The following PSEN1 variants were observed in gnomAD, a reference collection of about 807,000 sequenced individuals.
PSEN1 encodes presenilin-1.
Under a neutral mutation model 53.5 loss-of-function variants are expected in PSEN1, and 15 were observed. That is an observed-to-expected ratio of 0.28 (90% CI 0.19 to 0.43). PSEN1 has a LOEUF of 0.43. PSEN1 is among the 20% of genes least tolerant of loss of function. The pLI, the probability that PSEN1 is intolerant of heterozygous loss-of-function variation, is 1.00. For synonymous variants in PSEN1, 208 were observed against 209.8 expected, an observed-to-expected ratio of 0.99 and a Z score of 0.08; for missense variants, 387 against 571.2, an observed-to-expected ratio of 0.68 and a Z score of 3.29.
intron 7 of PSEN1, among the ~76,000 whole-genome samples, chr14:73,193,448 G>A (rs1379069856): frequency 6.6e-6 from 1 of 151,164 alleles, no homozygotes; most frequent in Non-Finnish European, 1.5e-5. Context: ...GAGAGGCTGA[G>A]GCAGGAGAAT....
At chr14:73,197,858 C>T in intron 7 of PSEN1, 173 bp from the exon 8 acceptor site, 2 of 602,560 alleles carry the variant, frequency 3.3e-6, no homozygotes, top group Non-Finnish European at 5.9e-6. Flanking sequence ...ATGTTGTCTC[C>T]CCCACCCCCA....
In PSEN1 at chr14:73,184,764, C is replaced by T. The variant is rs540828972; in HGVS notation, c.481-2089C>T. 5.2e-3 allele frequency among the ~76,000 whole-genome samples: 786 copies of T among 151,812 alleles called. 2 individuals are homozygous for T. Among genetic ancestry groups the T allele is most frequent in the African/African-American group, 0.018 (740 of 41,296 alleles). On this transcript the variant is annotated intron_variant, in intron 5 of 11. Coordinates refer to ENST00000324501, the MANE Select transcript of PSEN1 (RefSeq NM_000021.4). ...GGGGCTGACCCCCCCCACCTCCCTC[C>T]CGGACGGGGTGGCTGCCGGGCGGAG...
chr14:73,192,373 A>G lies in PSEN1; in HGVS notation c.549-271A>G, dbSNP rs1213074409. Among the ~76,000 whole-genome samples the G allele has an allele frequency of 3.3e-5, 5 of 152,252 alleles. No homozygotes were observed. The East Asian group carries it at 7.7e-4, about 24-fold the overall frequency. On this transcript the variant is annotated intron_variant, in intron 6 of 11. Transcript: ENST00000324501. ...GGAAGACCACCTGATCTCCGGAGGT[A>G]AAGACTGCAGTGAGCCGTGATTGCA...
intron 9 of PSEN1, among the ~76,000 whole-genome samples, chr14:73,207,202 C>G (rs1899488900): frequency 6.6e-6 from 1 of 151,772 alleles, no homozygotes. Flanking sequence ...GAGTGAAAGG[C>G]CCTCTAAGGA....
rs368080237 is a variant in PSEN1, at chr14:73,197,176, G to A, written c.770-855G>A. Among the ~76,000 whole-genome samples the A allele has an allele frequency of 4.9e-4, 75 of 152,004 alleles. No individual in the cohort carries two copies. In the South Asian group the frequency reaches 6.7e-3, roughly 13 times the overall value. The stretch of plus-strand genomic sequence containing the variant: ...TCTTGATCTCCTGACCTTGTGATCC[G>A]CCCACCTCGGCCTCCCAAAGTGCTG... On this transcript the variant is annotated intron_variant, in intron 7 of 11. Transcript: ENST00000324501.
At chr14:73,196,255 C>T (rs1024672612) in intron 7 of PSEN1, among the ~76,000 whole-genome samples, 9 of 152,000 alleles carry the variant, frequency 5.9e-5, no homozygotes, top group African/African-American at 2.2e-4. Flanking sequence ...TGAAATAGTA[C>T]TGAATGTGGC....
chr14:73,200,458 C>T (rs1171866539), intron 8 of PSEN1, among the ~76,000 whole-genome samples: 3 of 152,018 alleles, frequency 2.0e-5, no homozygotes, highest in Non-Finnish European at 2.9e-5. Flanking sequence ...TTAGTAGAGA[C>T]GGGATTTCAC....
At position 73,170,964 on chromosome 14, in the gene PSEN1, C is replaced by A. The variant is rs768521549; in HGVS notation, c.255C>A (p.Leu85=). ...LKYGAKHVIM[L]FVPVTLCMVV... ...ATGGCGCCAAGCATGTGATCATGCT[C>A]TTTGTCCCTGTGACTCTCTGCATGG... The change falls in exon 4 of 12, where the codon CTC becomes CTA. Residue 85 remains leucine, a synonymous_variant. Coordinates refer to ENST00000324501, the MANE Select transcript of PSEN1 (RefSeq NM_000021.4). The A allele has an allele frequency of 3.1e-6, 5 of 1,614,096 alleles. No homozygotes were observed. In the East Asian group the frequency reaches 1.1e-4, roughly 36 times the overall value.
At chr14:73,188,877 C>A (rs1198445268) in intron 6 of PSEN1, among the ~76,000 whole-genome samples, 3 of 151,016 alleles carry the variant, frequency 2.0e-5, no homozygotes, top group African/African-American at 7.3e-5. Context: ...GAACTTCTGC[C>A]TCCTGGGTTC....
intron 11 of PSEN1, among the ~76,000 whole-genome samples, chr14:73,218,590 C>T (rs1900018072): frequency 6.6e-6 from 1 of 152,012 alleles, no homozygotes; most frequent in South Asian, 2.1e-4. Context: ...ATTTTTTAAA[C>T]ACTGCAGCCT....
intron 1 of PSEN1, among the ~76,000 whole-genome samples, chr14:73,143,483 T>C (rs1425593390): frequency 6.6e-6 from 1 of 152,212 alleles, no homozygotes; most frequent in Non-Finnish European, 1.5e-5. Context: ...TTTTTTTACA[T>C]GTCAGTACAG....
Position 73,220,031 on chromosome 14 carries a change from C to T in PSEN1, c.*742C>T, listed in dbSNP as rs1287053023. ...TGCTTTATCCTAAAAGTTTTAACCT[C>T]AGGTTCCAAATTCAGTAAATTTTGG... On this transcript the variant is annotated 3_prime_UTR_variant, in exon 12 of 12. Coordinates refer to ENST00000324501, the MANE Select transcript of PSEN1 (RefSeq NM_000021.4). The T allele has an allele frequency of 1.3e-5, 2 of 152,326 alleles. No homozygotes were observed. Among genetic ancestry groups the T allele is most frequent in the East Asian group, 3.8e-4 (2 of 5,202 alleles). 9.4% of individuals were successfully genotyped at this position (152,326 alleles called of 1,614,324 possible). A position where few individuals can be genotyped will look rare whatever the true frequency, so the allele number is the denominator to read the frequency against.
intron 9 of PSEN1, among the ~76,000 whole-genome samples, chr14:73,207,919 A>G (rs1437428041): frequency 2.0e-5 from 3 of 152,248 alleles, no homozygotes; most frequent in African/African-American, 4.8e-5. Flanking sequence ...TGCTGCAGCT[A>G]GACCAGGCAT....
intron 3 of PSEN1, among the ~76,000 whole-genome samples, chr14:73,164,062 G>C (rs954460512): frequency 1.3e-5 from 2 of 152,190 alleles, no homozygotes; most frequent in African/African-American, 4.8e-5. Context: ...CAAAGATTAT[G>C]GACATAGAAA....
intron 3 of PSEN1, among the ~76,000 whole-genome samples, chr14:73,152,515 G>A (rs1321439702): frequency 1.3e-5 from 2 of 151,676 alleles, no homozygotes; most frequent in East Asian, 1.9e-4. Context: ...ACTGAAGCAC[G>A]AGAATTGCTT....
intron 8 of PSEN1, among the ~76,000 whole-genome samples, chr14:73,204,348 TA>T (rs1395622206): frequency 6.6e-6 from 1 of 151,540 alleles, no homozygotes; most frequent in East Asian, 1.9e-4. Context: ...CCTGTTGATG[TA>T]AGGTGTTTGT....
rs565341355 is a variant in PSEN1 at position 73,208,673 on chromosome 14, C to A, written c.955+2201C>A. 1.8e-3 allele frequency: 563 copies of A among 319,716 alleles called. 3 individuals carry two copies. Among genetic ancestry groups the A allele is most frequent in the Non-Finnish European group, 2.5e-3 (400 of 160,052 alleles). 19.8% of individuals were successfully genotyped at this position (319,716 alleles called of 1,614,324 possible). The stretch of plus-strand genomic sequence containing the variant: ...GGCTTCAGAGGGGAGGAAGTACATG[C>A]TGATGGGTCCATGGGTGGCCATGAG... On this transcript the variant is annotated intron_variant, in intron 9 of 11. Coordinates refer to ENST00000324501, the MANE Select transcript of PSEN1 (RefSeq NM_000021.4).
intron 5 of PSEN1, among the ~76,000 whole-genome samples, chr14:73,181,215 G>A (rs917649215): frequency 7.2e-5 from 11 of 152,142 alleles, no homozygotes; most frequent in Admixed American, 4.6e-4. Context: ...TGAGGTGGGC[G>A]GATCACCTGA....
intron 8 of PSEN1, among the ~76,000 whole-genome samples, chr14:73,201,284 C>A (rs939904619): frequency 2.6e-5 from 4 of 152,126 alleles, no homozygotes; most frequent in Non-Finnish European, 5.9e-5. Context: ...AACGGGGTTT[C>A]ACCATGTTAG....
Sources: allele counts gnomAD v4.1 joint callset (sites outside exome capture counted in the v4.1 genomes callset), GRCh38; gene constraint gnomAD v4.1.1; transcripts MANE v1.5; gene names NCBI Gene and HGNC (gene_info 2026-07-23, HGNC 2026-07-21).